PCDHA9: variants seen among roughly 807,000 people sequenced by gnomAD.
PCDHA9 encodes protocadherin alpha 9, also known as protocadherin alpha-9.
PCDHA9 carries 62 observed loss-of-function variants against 62.0 expected under a neutral mutation model. The ratio of observed to expected loss-of-function variants is 1.00; its 90% CI spans 0.81 to 1.23. The LOEUF is 1.23. Ranked by LOEUF, PCDHA9 falls within the 50% of genes most tolerant of loss-of-function variation. The pLI is 0.00. For synonymous variants in PCDHA9, 557 were observed against 567.6 expected, an observed-to-expected ratio of 0.98 and a Z score of 0.27; for missense variants, 1,205 against 1,249.8, an observed-to-expected ratio of 0.96 and a Z score of 0.54.
intron 1 of PCDHA9, chr5:140,862,870 G>T: frequency 1.8e-6 from 1 of 569,162 alleles, no homozygotes; most frequent in Non-Finnish European, 3.4e-6. Flanking sequence ...GACGCTGCCA[G>T]GTATTAGTGC....
At chr5:140,853,927 G>T in intron 1 of PCDHA9, 1 of 895,160 alleles carries the variant, frequency 1.1e-6, no homozygotes, top group Non-Finnish European at 1.4e-6. Context: ...CCAACATTTT[G>T]GGAGGCCAAG....
At chr5:140,955,233 T>A (rs1554221819) in intron 1 of PCDHA9, among the ~76,000 whole-genome samples, 1 of 152,198 alleles carries the variant, frequency 6.6e-6, no homozygotes, top group African/African-American at 2.4e-5. Flanking sequence ...TTTGTTCTTT[T>A]GCTTAGGATC....
chr5:140,877,155 C>G (rs782559744), intron 1 of PCDHA9: 21 of 1,613,680 alleles, frequency 1.3e-5, no homozygotes, highest in Non-Finnish European at 1.8e-5. Flanking sequence ...AGAACGACAA[C>G]GCGCCGGCAC....
intron 1 of PCDHA9, among the ~76,000 whole-genome samples, chr5:140,924,904 AAT>A (rs1277700524): frequency 5.2e-4 from 28 of 54,160 alleles, no homozygotes; most frequent in African/African-American, 2.1e-3. Context: ...CAAAAAAAAA[AAT>A]AAAATAAAAT....
intron 2 of PCDHA9, 171 bp downstream of exon 2, chr5:140,979,178 G>T: frequency 1.1e-6 from 1 of 944,140 alleles, no homozygotes; most frequent in Non-Finnish European, 1.3e-6. Flanking sequence ...GATCGCAAAT[G>T]GTCAGTGCCA....
chr5:140,993,234 A>AATCTG (rs1554253510), intron 3 of PCDHA9, among the ~76,000 whole-genome samples: 1 of 152,130 alleles, frequency 6.6e-6, no homozygotes, highest in Non-Finnish European at 1.5e-5. Flanking sequence ...GTTCTCTCTG[A>AATCTG]ATCTGGGGAT....
At position 140,858,244 on chromosome 5, in the gene PCDHA9, G is replaced by T. The variant is rs782743084; in HGVS notation, c.2394+7355G>T. The T allele has an allele frequency of 1.9e-5, 30 of 1,595,808 alleles. 1 individual carries two copies. The highest frequency in any genetic ancestry group is 3.4e-4 in the Middle Eastern group (2 of 5,896). On this transcript the variant is annotated intron_variant, in intron 1 of 3. Transcript: ENST00000532602. Reference sequence around the variant, plus strand: ...CGCCCACCGAGGGCGCATGTGGGCCGGTGAAGCCCACGCTGGTGTGCTCTA... The same window carrying T: ...CGCCCACCGAGGGCGCATGTGGGCCTGTGAAGCCCACGCTGGTGTGCTCTA...
In PCDHA9 at chr5:140,850,849, G is replaced by A. The variant is rs2150500367; in HGVS notation, c.2354G>A (p.Arg785Gln). Residue 785 changes from arginine (R) to glutamine (Q), a missense_variant, in exon 1 of 4, where the codon CGA becomes CAA. Arg to Gln is a conservative substitution (Grantham distance 43). This residue lies in a region of PCDHA9 where 887 missense variants were observed against 809.5 expected (regional missense o/e 1.10). Coordinates refer to ENST00000532602, the MANE Select transcript of PCDHA9 (RefSeq NM_031857.2). ...GLSPCAGSTE[R>Q]TGEPSASSDS... ...TCTCCTTGTGCTGGATCTACAGAGC[G>A]AACGGGAGAACCCTCTGCTTCCTCA... The A allele has an allele frequency of 8.1e-6, 13 of 1,596,194 alleles. 3 individuals are homozygous for A. Among genetic ancestry groups the A allele is most frequent in the East Asian group, 2.2e-5 (1 of 44,844 alleles).
At chr5:140,967,456 G>C in intron 1 of PCDHA9, 1 of 1,613,598 alleles carries the variant, frequency 6.2e-7, no homozygotes, top group Non-Finnish European at 8.5e-7. Context: ...TCACAGCCGT[G>C]GATGGGGGCA....
intron 3 of PCDHA9, among the ~76,000 whole-genome samples, chr5:140,986,846 A>G (rs782028314): frequency 6.6e-6 from 1 of 152,200 alleles, no homozygotes; most frequent in Non-Finnish European, 1.5e-5. Flanking sequence ...AAGGGGCAGC[A>G]ACACCAACAA....
intron 1 of PCDHA9, among the ~76,000 whole-genome samples, chr5:140,894,320 G>T (rs191376863): frequency 1.1e-3 from 163 of 152,016 alleles, no homozygotes; most frequent in Non-Finnish European, 1.7e-3. Flanking sequence ...TTAAATTATA[G>T]ATTTTAGTAT....
At chr5:140,854,131 C>T in intron 1 of PCDHA9, 1 of 404,286 alleles carries the variant, frequency 2.5e-6, no homozygotes, top group Non-Finnish European at 3.3e-6. Flanking sequence ...AACTGCATTT[C>T]AGCCCGGGTG....
At chr5:140,858,375 C>T (rs1252920038) in intron 1 of PCDHA9, 4 of 1,587,834 alleles carry the variant, frequency 2.5e-6, no homozygotes, top group Non-Finnish European at 3.4e-6. Flanking sequence ...AGCCTTCCAC[C>T]ATGCCCAATG....
chr5:140,882,929 G>A, intron 1 of PCDHA9: 1 of 1,614,160 alleles, frequency 6.2e-7, no homozygotes, highest in Non-Finnish European at 8.5e-7. Context: ...AGGTAAACCC[G>A]AGCTGACTGG....
intron 1 of PCDHA9, among the ~76,000 whole-genome samples, chr5:140,972,283 A>C (rs2096528536): frequency 2.7e-5 from 4 of 149,876 alleles, no homozygotes; most frequent in Admixed American, 2.7e-4. Flanking sequence ...TGGACCATAG[A>C]TGTGCGCCAC....
At chr5:140,868,866 T>C (rs1319732568) in intron 1 of PCDHA9, 2 of 581,336 alleles carry the variant, frequency 3.4e-6, no homozygotes, top group Non-Finnish European at 5.7e-6. Context: ...GTAAATGCAG[T>C]GCACAGTACT....
intron 1 of PCDHA9, chr5:140,882,363 A>G: frequency 1.2e-6 from 2 of 1,614,208 alleles, no homozygotes; most frequent in South Asian, 1.1e-5. Context: ...GGCCAGCTCC[A>G]CTACTCCGTC....
chr5:140,881,362 G>C, intron 1 of PCDHA9: 6 of 985,132 alleles, frequency 6.1e-6, no homozygotes, highest in Non-Finnish European at 7.2e-6. Context: ...CGTGGCTTTC[G>C]TATGAATTGC....
chr5:140,998,240 A>G (rs2097802500), intron 3 of PCDHA9, among the ~76,000 whole-genome samples: 1 of 152,188 alleles, frequency 6.6e-6, no homozygotes, highest in Non-Finnish European at 1.5e-5. Context: ...GTGCATTATT[A>G]TACTCATTTT....
Sources: allele counts gnomAD v4.1 joint callset (sites outside exome capture counted in the v4.1 genomes callset), GRCh38; gene constraint gnomAD v4.1.1; regional missense constraint gnomAD v4.1.1; transcripts MANE v1.5; gene names NCBI Gene and HGNC (gene_info 2026-07-23, HGNC 2026-07-21).